Variants in HIP1 observed in about 807,000 individuals in gnomAD.
The protein encoded by HIP1 is huntingtin interacting protein 1.
HIP1 carries 65 observed loss-of-function variants against 147.6 expected under a neutral mutation model. That is an observed-to-expected ratio of 0.44 (90% CI 0.36 to 0.54). HIP1 has a LOEUF of 0.54. HIP1 is among the 20% of genes least tolerant of loss of function. HIP1 has a pLI of 0.00. For missense variants in HIP1, 1,061 were observed against 1,299.6 expected (o/e 0.82, Z 2.82); for synonymous variants, 479 against 504.0 (o/e 0.95, Z 0.67).
intron 1 of HIP1, among the ~76,000 whole-genome samples, chr7:75,637,586 C>T (rs1162385433): frequency 1.5e-5 from 2 of 132,350 alleles, no homozygotes; most frequent in Admixed American, 8.5e-5. Context: ...TAATACATGC[C>T]CAAAGAAAGC....
rs1554498713 is a variant in HIP1, at chr7:75,582,079, T to C, written c.538A>G (p.Asn180Asp). 1.9e-6 allele frequency: 3 copies of C among 1,613,628 alleles called. No individual in the cohort carries two copies. Among genetic ancestry groups the C allele is most frequent in the Non-Finnish European group, 1.7e-6 (2 of 1,179,702 alleles). ...LDEAGESDVNNFFQLTVEMFD... is the reference protein window; with the variant it reads ...LDEAGESDVNDFFQLTVEMFD... ...CTCAGGGCAGGAGCCACTTACAAGT[T>C]GTTCACGTCACTTTCTCCAGCCTCG... The change falls in exon 6 of 31, where the codon AAC becomes GAC. Residue 180 changes from asparagine to aspartate, a missense_variant. By Grantham distance (23) the Asn-to-Asp change is conservative (BLOSUM62 1). Transcript: ENST00000336926.
intron 1 of HIP1, among the ~76,000 whole-genome samples, chr7:75,627,501 G>A (rs1798084816): frequency 6.6e-6 from 1 of 152,128 alleles, no homozygotes; most frequent in Non-Finnish European, 1.5e-5. Flanking sequence ...ACTTCTCTGA[G>A]CCTCAGTTTC....
chr7:75,648,167 C>A (rs1798863107), intron 1 of HIP1, among the ~76,000 whole-genome samples: 1 of 152,002 alleles, frequency 6.6e-6, no homozygotes, highest in Admixed American at 6.6e-5. Flanking sequence ...GTTGGAGTAG[C>A]TGAGGCTGGT....
At position 75,542,991 on chromosome 7, in the gene HIP1, G is replaced by T; in HGVS notation, c.2767-17C>A. 1 of 1,607,042 alleles carries T rather than the reference G, an allele frequency of 6.2e-7. No individual in the cohort carries two copies. The highest frequency in any genetic ancestry group is 8.5e-7 in the Non-Finnish European group (1 of 1,176,240). On this transcript the variant is annotated splice_polypyrimidine_tract_variant and intron_variant, in intron 27 of 30. Coordinates refer to ENST00000336926, the MANE Select transcript of HIP1 (RefSeq NM_005338.7). ...AGCTTTCACCTACCAGGACAAAGCA[G>T]ATTTAGGTTCATACAACACCTAGAG...
intron 1 of HIP1, among the ~76,000 whole-genome samples, chr7:75,683,624 G>A (rs1247922398): frequency 6.6e-6 from 1 of 152,164 alleles, no homozygotes; most frequent in Non-Finnish European, 1.5e-5. Context: ...TGGAGGTGCA[G>A]CATGCCCCAT....
At chr7:75,599,392 C>T in intron 1 of HIP1, 145 bp from the exon 2 acceptor site, 2 of 654,626 alleles carry the variant, frequency 3.1e-6, no homozygotes, top group South Asian at 3.4e-5. Context: ...TCTGCAGGCG[C>T]CCAGCTGGGG....
intron 1 of HIP1, among the ~76,000 whole-genome samples, chr7:75,648,952 G>A (rs1243057624): frequency 6.6e-6 from 1 of 152,118 alleles, no homozygotes; most frequent in South Asian, 2.1e-4. Flanking sequence ...TGGGACTACA[G>A]GTGCATGCCA....
chr7:75,622,947 T>C (rs1439265267), intron 1 of HIP1, among the ~76,000 whole-genome samples: 18 of 151,830 alleles, frequency 1.2e-4, no homozygotes, highest in African/African-American at 4.1e-4. Context: ...CCTGTAATCC[T>C]AGCACTTTGG....
intron 1 of HIP1, among the ~76,000 whole-genome samples, chr7:75,602,125 C>T (rs6975152): frequency 0.12 from 18,458 of 151,204 alleles, 1,390 homozygotes; most frequent in African/African-American, 0.2. Flanking sequence ...CTCAGCCTCC[C>T]AAGTAGCTGG....
intron 14 of HIP1, among the ~76,000 whole-genome samples, chr7:75,559,531 C>A (rs1260939600): frequency 7.2e-5 from 11 of 152,200 alleles, no homozygotes; most frequent in African/African-American, 7.2e-5. Flanking sequence ...CTGTGCTCAG[C>A]GGTGCCTCGC....
intron 1 of HIP1, among the ~76,000 whole-genome samples, chr7:75,689,941 C>T (rs138600537): frequency 3.0e-4 from 46 of 152,152 alleles, no homozygotes; most frequent in African/African-American, 1.1e-3. Context: ...CCCTGGCTCC[C>T]GGTCTGCAGC....
chr7:75,586,967 G>T (rs1297342803), intron 4 of HIP1, 134 bp from the exon 5 acceptor site: 1 of 647,182 alleles, frequency 1.5e-6, no homozygotes, highest in Non-Finnish European at 2.8e-6. Context: ...TAGAGATGGG[G>T]TCTAGCTCTG....
intron 17 of HIP1, among the ~76,000 whole-genome samples, chr7:75,556,392 A>C (rs1326906795): frequency 6.6e-6 from 1 of 152,140 alleles, no homozygotes; most frequent in East Asian, 1.9e-4. Flanking sequence ...GGGTGGGGCA[A>C]GAAAGGAGGC....
At chr7:75,653,363 T>C (rs1214693655) in intron 1 of HIP1, among the ~76,000 whole-genome samples, 2 of 152,056 alleles carry the variant, frequency 1.3e-5, no homozygotes, top group Non-Finnish European at 2.9e-5. Context: ...ATTAATAAAA[T>C]AGGTATAGAC....
chr7:75,575,068 G>C (rs1203523487), intron 7 of HIP1, among the ~76,000 whole-genome samples: 1 of 152,146 alleles, frequency 6.6e-6, no homozygotes, highest in Non-Finnish European at 1.5e-5. Flanking sequence ...TGAGGCAGGA[G>C]AATCGCTTGA....
chr7:75,715,520 C>G (rs548572172), intron 1 of HIP1, among the ~76,000 whole-genome samples: 11 of 150,082 alleles, frequency 7.3e-5, no homozygotes, highest in Non-Finnish European at 1.3e-4. Flanking sequence ...ACCTGTAATC[C>G]CAGCACTTTG....
At chr7:75,569,666 G>A (rs1323615876) in intron 8 of HIP1, among the ~76,000 whole-genome samples, 18 of 152,000 alleles carry the variant, frequency 1.2e-4, no homozygotes, top group Admixed American at 1.2e-3. Context: ...GAATGAATAT[G>A]GCACTTGACC....
intron 1 of HIP1, among the ~76,000 whole-genome samples, chr7:75,703,965 G>A (rs1174447915): frequency 6.6e-6 from 1 of 152,136 alleles, no homozygotes; most frequent in African/African-American, 2.4e-5. Context: ...AAAAGCCAGG[G>A]CCCCGGGCCT....
At chr7:75,689,555 T>C (rs149208477) in intron 1 of HIP1, among the ~76,000 whole-genome samples, 1 of 152,292 alleles carries the variant, frequency 6.6e-6, no homozygotes, top group Non-Finnish European at 1.5e-5. Context: ...TATTTATACA[T>C]GCATACATGC....
Sources: allele counts gnomAD v4.1 joint callset (sites outside exome capture counted in the v4.1 genomes callset), GRCh38; gene constraint gnomAD v4.1.1; transcripts MANE v1.5; gene names NCBI Gene and HGNC (gene_info 2026-07-23, HGNC 2026-07-21).